The following ASXL2 variants were observed in gnomAD, a reference collection of about 807,000 sequenced individuals.
The protein encoded by ASXL2 is ASXL transcriptional regulator 2, also known as putative Polycomb group protein ASXL2.
ASXL2 carries 23 observed loss-of-function variants against 122.0 expected under a neutral mutation model. The ratio of observed to expected loss-of-function variants is 0.19; its 90% CI spans 0.14 to 0.27. ASXL2 has a LOEUF of 0.27. Among genes scored for constraint, ASXL2 ranks in the 10% least tolerant of loss-of-function variants. The pLI is 1.00. For synonymous variants in ASXL2, 650 were observed against 637.0 expected, an observed-to-expected ratio of 1.02 and a Z score of -0.31; for missense variants, 1,518 against 1,713.8, an observed-to-expected ratio of 0.89 and a Z score of 2.02.
intron 1 of ASXL2, among the ~76,000 whole-genome samples, chr2:25,869,772 C>T (rs745426664): frequency 1.7e-4 from 26 of 151,436 alleles, no homozygotes; most frequent in Non-Finnish European, 3.5e-4. Context: ...GCCAAGATTA[C>T]GCCACTGCAC....
At chr2:25,759,863 C>T (rs1312365511) in intron 8 of ASXL2, among the ~76,000 whole-genome samples, 1 of 152,150 alleles carries the variant, frequency 6.6e-6, no homozygotes, top group African/African-American at 2.4e-5. Context: ...TATCTACCTT[C>T]TCTGCATAAA....
intron 5 of ASXL2, among the ~76,000 whole-genome samples, chr2:25,789,084 A>C (rs953266023): frequency 3.9e-5 from 6 of 152,100 alleles, no homozygotes; most frequent in Admixed American, 3.9e-4. Flanking sequence ...CCCCTCTCCC[A>C]TCAACCTACT....
intron 1 of ASXL2, among the ~76,000 whole-genome samples, chr2:25,851,334 G>A (rs951662307): frequency 2.0e-5 from 3 of 152,092 alleles, no homozygotes; most frequent in Non-Finnish European, 4.4e-5. Flanking sequence ...ATACTTTTGT[G>A]CTTTAATTAC....
Position 25,737,861 on chromosome 2 carries a change from G to A in ASXL2, c.*4168C>T, listed in dbSNP as rs1413371430. On this transcript the variant is annotated 3_prime_UTR_variant, in exon 13 of 13. Transcript: ENST00000435504. ...AAATGGTGTTGACACCAACTTCTCTGTACATACCCTCAATTCCAATGTTAA... is the reference window on the plus strand; with the variant it reads ...AAATGGTGTTGACACCAACTTCTCTATACATACCCTCAATTCCAATGTTAA... 2 of 152,068 alleles carry A rather than the reference G, an allele frequency of 1.3e-5. No homozygotes were observed. The highest frequency in any genetic ancestry group is 2.4e-5 in the African/African-American group (1 of 41,394). The allele number at this position is 152,068 out of a possible 1,614,324, so 9.4% of individuals were successfully genotyped here.
chr2:25,808,370 T>C (rs990042304), intron 3 of ASXL2, among the ~76,000 whole-genome samples: 1 of 152,130 alleles, frequency 6.6e-6, no homozygotes, highest in Non-Finnish European at 1.5e-5. Flanking sequence ...TCTCACTCTA[T>C]CCCCCAGGCT....
At chr2:25,834,293 C>CA (rs2089484336) in intron 3 of ASXL2, among the ~76,000 whole-genome samples, 1 of 151,986 alleles carries the variant, frequency 6.6e-6, no homozygotes, top group African/African-American at 2.4e-5. Flanking sequence ...GCAGAGGTTG[C>CA]AGTGAGCCGA....
chr2:25,780,457 C>G (rs546964133), intron 5 of ASXL2: 1 of 152,238 alleles, frequency 6.6e-6, no homozygotes, highest in African/African-American at 2.4e-5. Flanking sequence ...CTCATGACTA[C>G]ATCTTAACCA....
chr2:25,739,911 G>GT lies in ASXL2; in HGVS notation c.*2117dup, dbSNP rs1335162439. The GT allele has an allele frequency of 9.2e-6, 2 of 217,802 alleles. No homozygotes were observed. Among genetic ancestry groups the GT allele is most frequent in the African/African-American group, 2.2e-5 (1 of 44,504 alleles). 13.5% of individuals were successfully genotyped at this position (217,802 alleles called of 1,614,324 possible). On this transcript the variant is annotated 3_prime_UTR_variant, in exon 13 of 13. Coordinates refer to ENST00000435504, the MANE Select transcript of ASXL2 (RefSeq NM_018263.6). ...CCCTCGGCCCTGGCACTAAGGTGGA[G>GT]TTAAGGGGTAGGGCAGGGAGAGTTC...
At chr2:25,759,295 C>G (rs2088196357) in intron 9 of ASXL2, among the ~76,000 whole-genome samples, 187 bp downstream of exon 9, 1 of 152,116 alleles carries the variant, frequency 6.6e-6, no homozygotes, top group African/African-American at 2.4e-5. Context: ...CATCCTAATA[C>G]AGTCAAAATA....
chr2:25,865,262 C>T (rs974275228), intron 1 of ASXL2, among the ~76,000 whole-genome samples: 2 of 151,278 alleles, frequency 1.3e-5, no homozygotes, highest in Admixed American at 1.3e-4. Context: ...AAAACCCCAT[C>T]TCCACTAAAA....
rs2087706208 is a variant in ASXL2 at position 25,734,662 on chromosome 2, T to G, written c.*7367A>C. 1 of 152,212 alleles carries G rather than the reference T, an allele frequency of 6.6e-6. No individual in the cohort carries two copies. The highest frequency in any genetic ancestry group is 1.5e-5 in the Non-Finnish European group (1 of 68,032). 9.4% of individuals were successfully genotyped at this position (152,212 alleles called of 1,614,324 possible). On this transcript the variant is annotated 3_prime_UTR_variant, in exon 13 of 13. Transcript: ENST00000435504. Reference sequence around the variant, plus strand: ...TTTGAGAATCCCTGATTAAACTTAATAAAAGTATTGACTCAAGTTGGTCTA... The same window carrying G: ...TTTGAGAATCCCTGATTAAACTTAAGAAAAGTATTGACTCAAGTTGGTCTA...
Position 25,739,434 on chromosome 2 carries a change from G to A in ASXL2, c.*2595C>T. The A allele has an allele frequency of 5.6e-6, 1 of 179,310 alleles. No homozygotes were observed. Among genetic ancestry groups the A allele is most frequent in the Non-Finnish European group, 1.2e-5 (1 of 84,452 alleles). 11.1% of individuals were successfully genotyped at this position (179,310 alleles called of 1,614,324 possible). A position where few individuals can be genotyped will look rare whatever the true frequency, so the allele number is the denominator to read the frequency against. On this transcript the variant is annotated 3_prime_UTR_variant, in exon 13 of 13. Coordinates refer to ENST00000435504, the MANE Select transcript of ASXL2 (RefSeq NM_018263.6). ...GAATGGCTTTCCACTTGAAACCTCT[G>A]TGTTGAAACCAACTGATAAATAGAC...
At chr2:25,759,777 C>T in intron 8 of ASXL2, 132 bp from the exon 9 acceptor site, 1 of 904,636 alleles carries the variant, frequency 1.1e-6, no homozygotes. Context: ...GAAGGTAACA[C>T]TTAAGATCTT....
rs1559498718 is a variant in ASXL2, at chr2:25,744,506, A to T, written c.1861-30T>A. The T allele has an allele frequency of 6.4e-7, 1 of 1,558,364 alleles. No homozygotes were observed. The highest frequency in any genetic ancestry group is 2.1e-5 in the Admixed American group (1 of 47,160). On this transcript the variant is annotated intron_variant, in intron 12 of 12. Transcript: ENST00000435504. The surrounding 1 kb of genome is among the most constrained non-coding windows in gnomAD (Gnocchi z 4.7). ...AAGAAGTAGAGGGGAAAAAAACAACAGAGCTTAGTTTTCATTTGTAAGAAT... is the reference window on the plus strand; with the variant it reads ...AAGAAGTAGAGGGGAAAAAAACAACTGAGCTTAGTTTTCATTTGTAAGAAT...
intron 12 of ASXL2, among the ~76,000 whole-genome samples, chr2:25,746,971 A>G (rs1046436165): frequency 6.6e-6 from 1 of 152,210 alleles, no homozygotes; most frequent in Non-Finnish European, 1.5e-5. Flanking sequence ...GAGGATGCTC[A>G]AGTCCTTTAT....
At chr2:25,765,342 C>T (rs1158511604) in intron 8 of ASXL2, among the ~76,000 whole-genome samples, 2 of 151,918 alleles carry the variant, frequency 1.3e-5, no homozygotes, top group East Asian at 1.9e-4. Context: ...AAAAATTAGC[C>T]GGGCGTGGTG....
Position 25,744,389 on chromosome 2 carries a change from T to G in ASXL2, c.1948A>C (p.Asn650His). The change falls in exon 13 of 13, where the codon AAC becomes CAC. Residue 650 changes from asparagine (N) to histidine (H), a missense_variant. Asn to His is a moderately conservative substitution (Grantham distance 68). Transcript: ENST00000435504. The surrounding 1 kb of genome is among the most constrained non-coding windows in gnomAD (Gnocchi z 4.7). ...ARFPVSITSP[N>H]RTGARTLADI... is the part of the protein sequence containing the mutation. The stretch of plus-strand genomic sequence containing the variant: ...GCAAGAGTTCTGGCTCCTGTTCTGT[T>G]AGGACTAGTGATGGAGACTGGAAAA... The G allele has an allele frequency of 6.2e-7, 1 of 1,613,948 alleles. No individual in the cohort carries two copies. The highest frequency in any genetic ancestry group is 8.5e-7 in the Non-Finnish European group (1 of 1,179,882).
chr2:25,782,112 T>C (rs1177615250), intron 5 of ASXL2, among the ~76,000 whole-genome samples: 1 of 151,892 alleles, frequency 6.6e-6, no homozygotes, highest in Non-Finnish European at 1.5e-5. Flanking sequence ...TTTTAATCAA[T>C]ATTTATCTCC....
chr2:25,733,787 A>C lies in ASXL2; in HGVS notation c.*8242T>G, dbSNP rs1176756387. 4.5e-4 allele frequency: 68 copies of C among 152,222 alleles called. No homozygotes were observed. The highest frequency in any genetic ancestry group is 4.5e-3 in the Admixed American group (68 of 15,278). The allele number at this position is 152,222 out of a possible 1,614,324, so 9.4% of individuals were successfully genotyped here. On this transcript the variant is annotated 3_prime_UTR_variant, in exon 13 of 13. Transcript: ENST00000435504. Reference sequence around the variant, plus strand: ...ACTGTATGCCTTTATTCAACATAGAATGAGTCAGTAAAATATGGTTTGTCT... The same window carrying C: ...ACTGTATGCCTTTATTCAACATAGACTGAGTCAGTAAAATATGGTTTGTCT...
Sources: allele counts gnomAD v4.1 joint callset (sites outside exome capture counted in the v4.1 genomes callset), GRCh38; gene constraint gnomAD v4.1.1; non-coding constraint Gnocchi (gnomAD v3.1); transcripts MANE v1.5; gene names NCBI Gene and HGNC (gene_info 2026-07-23, HGNC 2026-07-21).